The following GPATCH2 variants were observed in gnomAD, a reference collection of about 807,000 sequenced individuals.
The protein encoded by GPATCH2 is G-patch domain containing 2, also known as G patch domain-containing protein 2.
In GPATCH2, 51 loss-of-function variants were observed where a neutral mutation model predicts 58.0. The ratio of observed to expected loss-of-function variants is 0.88; its 90% CI spans 0.70 to 1.11. GPATCH2 has a LOEUF of 1.11. GPATCH2 is among the 50% of genes most tolerant of loss of function. GPATCH2 has a pLI of 0.00. For synonymous variants in GPATCH2, 222 were observed against 218.5 expected (o/e 1.02, Z -0.14); for missense variants, 625 against 652.2 (o/e 0.96, Z 0.45).
chr1:217,519,118 T>C (rs1663323984), intron 5 of GPATCH2, among the ~76,000 whole-genome samples: 1 of 152,254 alleles, frequency 6.6e-6, no homozygotes. Context: ...AAAATAAATG[T>C]GTTGAATATT....
At chr1:217,498,824 C>T (rs1662144635) in intron 6 of GPATCH2, 1 of 241,122 alleles carries the variant, frequency 4.1e-6, no homozygotes, top group Non-Finnish European at 8.1e-6. Flanking sequence ...TCTAGCTATG[C>T]CCCCAGGAGC....
intron 8 of GPATCH2, among the ~76,000 whole-genome samples, chr1:217,482,200 T>TACAAATATTTTATGCA (rs1327168255): frequency 6.6e-6 from 1 of 152,200 alleles, no homozygotes; most frequent in Non-Finnish European, 1.5e-5. Flanking sequence ...AAATTTATTC[T>TACAAATATTTTATGCA]ACAAATATTT....
intron 5 of GPATCH2, among the ~76,000 whole-genome samples, chr1:217,565,423 G>A (rs1666173368): frequency 6.6e-6 from 1 of 151,984 alleles, no homozygotes; most frequent in Non-Finnish European, 1.5e-5. Context: ...GAAATTTAAG[G>A]AAATTCCTGA....
chr1:217,458,570 C>T (rs1423167584), intron 8 of GPATCH2, among the ~76,000 whole-genome samples: 1 of 152,042 alleles, frequency 6.6e-6, no homozygotes. Context: ...CATCATGCCC[C>T]GTATTTTTCC....
At chr1:217,574,795 G>A (rs1051608443) in intron 5 of GPATCH2, among the ~76,000 whole-genome samples, 2 of 152,244 alleles carry the variant, frequency 1.3e-5, no homozygotes, top group African/African-American at 2.4e-5. Flanking sequence ...AGGTCCAACC[G>A]GATTTGAGTC....
At chr1:217,605,596 T>G (rs1392258322) in intron 5 of GPATCH2, among the ~76,000 whole-genome samples, 1 of 152,168 alleles carries the variant, frequency 6.6e-6, no homozygotes, top group Non-Finnish European at 1.5e-5. Context: ...GCTGAGTCAT[T>G]TATTTCCTGA....
intron 5 of GPATCH2, among the ~76,000 whole-genome samples, chr1:217,577,934 A>T (rs889648428): frequency 4.6e-5 from 7 of 151,628 alleles, no homozygotes; most frequent in African/African-American, 1.7e-4. Context: ...TTTAGTAGAG[A>T]CGGGGTTTCT....
chr1:217,467,969 A>G (rs559975078), intron 8 of GPATCH2, among the ~76,000 whole-genome samples: 7 of 152,342 alleles, frequency 4.6e-5, no homozygotes, highest in South Asian at 2.1e-4. Context: ...TTTAGCATCA[A>G]TTAGAATTAT....
chr1:217,582,670 T>A (rs1278459434), intron 5 of GPATCH2, among the ~76,000 whole-genome samples: 2 of 152,162 alleles, frequency 1.3e-5, no homozygotes, highest in African/African-American at 4.8e-5. Flanking sequence ...TGGTGCTAAA[T>A]ATAATGGATT....
chr1:217,604,060 T>G (rs183499960), intron 5 of GPATCH2, among the ~76,000 whole-genome samples: 4 of 152,014 alleles, frequency 2.6e-5, no homozygotes, highest in Non-Finnish European at 5.9e-5. Context: ...TAAAAAAGTG[T>G]CAGTTTCTGG....
At chr1:217,536,965 C>T (rs1375460159) in intron 5 of GPATCH2, among the ~76,000 whole-genome samples, 2 of 152,122 alleles carry the variant, frequency 1.3e-5, no homozygotes. Flanking sequence ...GAGCGAGACT[C>T]CATCTCAAAC....
intron 5 of GPATCH2, among the ~76,000 whole-genome samples, chr1:217,561,364 T>A (rs1665915885): frequency 6.6e-6 from 1 of 152,154 alleles, no homozygotes; most frequent in African/African-American, 2.4e-5. Context: ...TCTAAAAACA[T>A]ACGCACAGCA....
chr1:217,469,830 G>T (rs1271195107), intron 8 of GPATCH2, among the ~76,000 whole-genome samples: 1 of 152,032 alleles, frequency 6.6e-6, no homozygotes, highest in African/African-American at 2.4e-5. Flanking sequence ...AATTTAATAG[G>T]TTTTTTCCTG....
intron 7 of GPATCH2, among the ~76,000 whole-genome samples, chr1:217,492,023 C>T (rs920694225): frequency 2.6e-5 from 4 of 152,014 alleles, no homozygotes; most frequent in South Asian, 2.1e-4. Flanking sequence ...TCGAGTTCTT[C>T]CTGGACAGCT....
intron 9 of GPATCH2, among the ~76,000 whole-genome samples, chr1:217,445,400 A>G (rs1395300068): frequency 6.6e-6 from 1 of 152,158 alleles, no homozygotes; most frequent in Admixed American, 6.5e-5. Context: ...TACCAAAAAC[A>G]TGGACCACAA....
chr1:217,442,461 G>T (rs567187614), intron 9 of GPATCH2, among the ~76,000 whole-genome samples: 1 of 152,268 alleles, frequency 6.6e-6, no homozygotes, highest in South Asian at 2.1e-4. Flanking sequence ...TGCACGTTCT[G>T]CACATGTATG....
chr1:217,524,894 G>A (rs1246657417), intron 5 of GPATCH2, among the ~76,000 whole-genome samples: 97 of 1,816 alleles, frequency 0.053, 39 homozygotes, highest in East Asian at 0.5. Context: ...GGGGGAGGGG[G>A]GAGGGGGGAG....
chr1:217,613,796 T>C (rs141655841), intron 3 of GPATCH2, among the ~76,000 whole-genome samples: 2,667 of 152,176 alleles, frequency 0.018, 25 homozygotes, highest in Middle Eastern at 0.055. Context: ...GCTTAAACAG[T>C]TTTAAGTACA....
intron 6 of GPATCH2, among the ~76,000 whole-genome samples, chr1:217,511,262 T>C (rs1662835332): frequency 6.6e-6 from 1 of 152,172 alleles, no homozygotes. Context: ...GGAAAGATTT[T>C]ATACTGTGCA....
Sources: allele counts gnomAD v4.1 joint callset (sites outside exome capture counted in the v4.1 genomes callset), GRCh38; gene constraint gnomAD v4.1.1; transcripts MANE v1.5; gene names NCBI Gene and HGNC (gene_info 2026-07-23, HGNC 2026-07-21).